Variants in RAB38 observed in about 807,000 individuals in gnomAD.
RAB38 encodes the protein RAB38, member RAS oncogene family.
Under a neutral mutation model 18.4 loss-of-function variants are expected in RAB38, and 15 were observed. That is an observed-to-expected ratio of 0.82 (90% CI 0.55 to 1.26). The LOEUF (loss-of-function observed/expected upper bound fraction) is 1.26, where lower values mean the gene tolerates loss of function less well. Ranked by LOEUF, RAB38 falls within the 50% of genes most tolerant of loss-of-function variation. RAB38 has a pLI of 0.00. For synonymous variants in RAB38, 101 were observed against 104.4 expected (o/e 0.97, Z 0.20); for missense variants, 294 against 267.4 (o/e 1.10, Z -0.69).
At chr11:87,849,387 C>A in the RAB38 span, among the ~76,000 whole-genome samples, 6 of 152,146 alleles carry the variant, frequency 3.9e-5, no homozygotes, top group Non-Finnish European at 7.3e-5. Context: ...ATAGAATTGG[C>A]AGCTGAGATC....
At chr11:88,021,772 G>A in the RAB38 span, among the ~76,000 whole-genome samples, 2 of 148,188 alleles carry the variant, frequency 1.3e-5, no homozygotes, top group South Asian at 4.3e-4. Context: ...AGTAGAGGCA[G>A]GGTTTCACAC....
At chr11:88,083,526 A>T in the RAB38 span, among the ~76,000 whole-genome samples, 1 of 151,858 alleles carries the variant, frequency 6.6e-6, no homozygotes, top group Non-Finnish European at 1.5e-5. Flanking sequence ...TTTATTGTTT[A>T]TTTCTCCCGA....
At chr11:87,825,958 AAAT>A in the RAB38 span, among the ~76,000 whole-genome samples, 101 of 151,414 alleles carry the variant, frequency 6.7e-4, no homozygotes, top group African/African-American at 2.2e-3. Context: ...CAATAATAAA[AAAT>A]AAATGGTGGT....
chr11:87,919,188 C>T, the RAB38 span, among the ~76,000 whole-genome samples: 1 of 151,874 alleles, frequency 6.6e-6, no homozygotes. Context: ...ATTTATTTCT[C>T]AGCTCTCTAT....
the RAB38 span, among the ~76,000 whole-genome samples, chr11:88,012,911 G>C: frequency 6.6e-6 from 1 of 152,186 alleles, no homozygotes; most frequent in Admixed American, 6.5e-5. Flanking sequence ...AATTTAAAAA[G>C]AATTTCAAAC....
intron 2 of RAB38, among the ~76,000 whole-genome samples, chr11:88,145,770 A>G (rs1429224481): frequency 6.6e-6 from 1 of 152,224 alleles, no homozygotes; most frequent in Non-Finnish European, 1.5e-5. Flanking sequence ...TGAGCTCATG[A>G]TCTACAGGGT....
the RAB38 span, among the ~76,000 whole-genome samples, chr11:88,024,283 G>T: frequency 6.6e-6 from 1 of 152,002 alleles, no homozygotes; most frequent in Non-Finnish European, 1.5e-5. Context: ...GATATGAAAA[G>T]GTGCTCAACA....
the RAB38 span, among the ~76,000 whole-genome samples, chr11:87,956,586 A>G: frequency 6.6e-6 from 1 of 152,092 alleles, no homozygotes; most frequent in South Asian, 2.1e-4. Flanking sequence ...AACCTTGTCC[A>G]CTGGGGTCTG....
chr11:88,115,459 T>C (rs1182652675), intron 2 of RAB38: 1 of 152,234 alleles, frequency 6.6e-6, no homozygotes, highest in Non-Finnish European at 1.5e-5. Context: ...ACCTTAGTTG[T>C]AAATGTTTAT....
the RAB38 span, among the ~76,000 whole-genome samples, chr11:87,956,983 TG>T: frequency 7.4e-5 from 11 of 149,192 alleles, no homozygotes; most frequent in South Asian, 1.5e-3. Flanking sequence ...TGCAGTTTTT[TG>T]GGGGGGGGTC....
the RAB38 span, among the ~76,000 whole-genome samples, chr11:88,027,638 A>G: frequency 4.8e-3 from 730 of 152,286 alleles, 6 homozygotes; most frequent in African/African-American, 0.016. Flanking sequence ...GCAGTCTGAG[A>G]TCAAACTGCA....
the RAB38 span, among the ~76,000 whole-genome samples, chr11:87,939,287 TAC>T: frequency 1.3e-5 from 2 of 151,676 alleles, no homozygotes; most frequent in African/African-American, 2.4e-5. Context: ...CATTGATACA[TAC>T]ACACACACAT....
chr11:87,890,664 G>T, the RAB38 span, among the ~76,000 whole-genome samples: 2 of 151,466 alleles, frequency 1.3e-5, no homozygotes, highest in African/African-American at 4.9e-5. Context: ...AGCCATAATC[G>T]AAACTTCCTG....
the RAB38 span, among the ~76,000 whole-genome samples, chr11:87,947,739 G>T: frequency 2.0e-5 from 3 of 152,084 alleles, no homozygotes; most frequent in Admixed American, 2.0e-4. Flanking sequence ...CTGTTCCATT[G>T]GTCTATATCT....
the RAB38 span, among the ~76,000 whole-genome samples, chr11:87,976,043 C>A: frequency 0.037 from 5,640 of 150,698 alleles, 203 homozygotes; most frequent in South Asian, 0.082. Flanking sequence ...AACGCTATTG[C>A]TGTGAAAGAA....
the RAB38 span, among the ~76,000 whole-genome samples, chr11:87,850,243 C>G: frequency 6.6e-6 from 1 of 152,098 alleles, no homozygotes; most frequent in Non-Finnish European, 1.5e-5. Flanking sequence ...TCTTCTGCAG[C>G]CTCTTCCCCA....
At chr11:87,973,523 G>A in the RAB38 span, among the ~76,000 whole-genome samples, 1 of 152,018 alleles carries the variant, frequency 6.6e-6, no homozygotes, top group Non-Finnish European at 1.5e-5. Flanking sequence ...TGTCTACGGT[G>A]CTGGAGACCA....
At chr11:87,808,462 G>A in the RAB38 span, among the ~76,000 whole-genome samples, 8 of 152,112 alleles carry the variant, frequency 5.3e-5, no homozygotes, top group African/African-American at 1.4e-4. Context: ...AATACCTCAT[G>A]ATCTCACTCA....
the RAB38 span, among the ~76,000 whole-genome samples, chr11:88,089,290 G>T: frequency 6.6e-6 from 1 of 151,754 alleles, no homozygotes; most frequent in East Asian, 2.0e-4. Context: ...CTTTCTGGCT[G>T]TTTCTTTTGG....
Sources: allele counts gnomAD v4.1 joint callset (sites outside exome capture counted in the v4.1 genomes callset), GRCh38; gene constraint gnomAD v4.1.1; transcripts MANE v1.5; gene names NCBI Gene and HGNC (gene_info 2026-07-23, HGNC 2026-07-21).